UTRN: variants seen among roughly 807,000 people sequenced by gnomAD.
UTRN encodes utrophin, also known as dystrophin-related protein 1.
In UTRN, 283 loss-of-function variants were observed where a neutral mutation model predicts 463.9. The ratio of observed to expected loss-of-function variants is 0.61; its 90% confidence interval spans 0.55 to 0.67. UTRN has a LOEUF of 0.67. Ranked by LOEUF, UTRN falls within the 30% of genes least tolerant of loss-of-function variation. The pLI, the probability that UTRN is intolerant of heterozygous loss-of-function variation, is 0.00. For synonymous variants in UTRN, 1,442 were observed against 1,431.5 expected, an observed-to-expected ratio of 1.01 and a Z score of -0.17; for missense variants, 3,922 against 4,084.3, an observed-to-expected ratio of 0.96 and a Z score of 1.08.
chr6:144,598,181 C>T (rs1803852324), intron 51 of UTRN, among the ~76,000 whole-genome samples: 1 of 152,234 alleles, frequency 6.6e-6, no homozygotes, highest in East Asian at 1.9e-4. Flanking sequence ...AACATGTGCC[C>T]AGGGTGATCA....
rs1786862720 is a variant in UTRN at position 144,439,005 on chromosome 6, C to T, written c.1392+110C>T. 18 of 1,201,650 alleles carry T rather than the reference C, an allele frequency of 1.5e-5. No individual in the cohort carries two copies. The South Asian group carries it at 2.6e-4, about 18-fold the overall frequency. The allele number at this position is 1,201,650 out of a possible 1,614,324, so 74.4% of individuals were successfully genotyped here. On this transcript the variant is annotated intron_variant, in intron 12 of 74. Transcript: ENST00000367545. ...TTAACATGAAGTTGGGACACTTCTT[C>T]AGGGTTGTCTTCATTTAGCAGCTCA...
intron 7 of UTRN, 43 bp downstream of exon 7, chr6:144,426,502 G>T (rs775491987): frequency 1.5e-5 from 24 of 1,561,696 alleles, no homozygotes; most frequent in Admixed American, 5.4e-5. Context: ...ACAAATTCAT[G>T]TCTCCTCTCT....
intron 60 of UTRN, among the ~76,000 whole-genome samples, chr6:144,781,224 A>G (rs1216127822): frequency 2.0e-5 from 3 of 152,154 alleles, no homozygotes; most frequent in Non-Finnish European, 2.9e-5. Flanking sequence ...CTTCTTAGCT[A>G]CAGGTCACCT....
intron 54 of UTRN, among the ~76,000 whole-genome samples, chr6:144,737,285 G>C (rs1432785413): frequency 6.6e-6 from 1 of 152,176 alleles, no homozygotes; most frequent in African/African-American, 2.4e-5. Flanking sequence ...TTGATGTCCG[G>C]TGAGTGATGG....
At chr6:144,791,683 G>A (rs1010387999) in intron 62 of UTRN, among the ~76,000 whole-genome samples, 1 of 151,482 alleles carries the variant, frequency 6.6e-6, no homozygotes, top group Admixed American at 6.6e-5. Context: ...CTTATTACCT[G>A]CCCCTTTACC....
chr6:144,637,334 G>A (rs1014219150), intron 51 of UTRN, among the ~76,000 whole-genome samples: 4 of 151,844 alleles, frequency 2.6e-5, no homozygotes, highest in South Asian at 4.2e-4. Context: ...TGGCCCTTAC[G>A]TTACTCTGCC....
chr6:144,340,446 C>G (rs1777058102), intron 2 of UTRN, among the ~76,000 whole-genome samples: 1 of 152,150 alleles, frequency 6.6e-6, no homozygotes, highest in Non-Finnish European at 1.5e-5. Flanking sequence ...GGGGCTGATG[C>G]TGCTGGGTGT....
chr6:144,765,130 G>A (rs989410468), intron 58 of UTRN, among the ~76,000 whole-genome samples: 1 of 152,164 alleles, frequency 6.6e-6, no homozygotes, highest in South Asian at 2.1e-4. Context: ...GGTTTACTGA[G>A]TATTTGCATG....
intron 53 of UTRN, among the ~76,000 whole-genome samples, chr6:144,721,493 G>A (rs1222663750): frequency 1.3e-5 from 2 of 152,196 alleles, no homozygotes; most frequent in East Asian, 1.9e-4. Context: ...ACAGTTATGA[G>A]CCACCACAGC....
chr6:144,560,119 C>G (rs565344600), intron 50 of UTRN, among the ~76,000 whole-genome samples: 2 of 152,216 alleles, frequency 1.3e-5, no homozygotes, highest in African/African-American at 4.8e-5. Flanking sequence ...AGAGAGGTAG[C>G]ATTTTCATCA....
rs1240255400 is a variant in UTRN, at chr6:144,840,826, T to C, written c.10264T>C (p.Cys3422Arg). ...MEQIHSTFPS[C>R]CPNVPSRPQA... ...GCAGATTCACAGCACGTTTCCATCTTGCTGCCGTGAGTATGAAAGATTGCA... is the reference window on the plus strand; with the variant it reads ...GCAGATTCACAGCACGTTTCCATCTCGCTGCCGTGAGTATGAAAGATTGCA... The change falls in exon 73 of 75, where the codon TGC becomes CGC. Residue 3422 changes from cysteine (C) to arginine (R), a missense_variant. Physicochemically the swap from Cys to Arg is radical, Grantham distance 180. This residue lies in a region of UTRN where 1,309 missense variants were observed against 1,452.6 expected (regional missense o/e 0.90). Transcript: ENST00000367545. 7.4e-6 allele frequency: 12 copies of C among 1,613,888 alleles called. No homozygotes were observed. The highest frequency in any genetic ancestry group is 1.0e-5 in the Non-Finnish European group (12 of 1,179,984).
chr6:144,344,404 C>G, intron 2 of UTRN: 1 of 1,253,954 alleles, frequency 8.0e-7, no homozygotes, highest in Non-Finnish European at 1.0e-6. Context: ...AGTAACAAAG[C>G]TTAGGACCAG....
intron 2 of UTRN, among the ~76,000 whole-genome samples, chr6:144,317,633 G>A (rs1047850728): frequency 6.6e-6 from 1 of 152,128 alleles, no homozygotes; most frequent in Non-Finnish European, 1.5e-5. Context: ...CTGACCTCAA[G>A]TGATCCACCC....
chr6:144,474,066 A>G (rs982732699), intron 24 of UTRN, among the ~76,000 whole-genome samples: 2 of 151,918 alleles, frequency 1.3e-5, no homozygotes, highest in African/African-American at 4.8e-5. Flanking sequence ...ATAGAGAACA[A>G]GAACAATTTT....
intron 58 of UTRN, among the ~76,000 whole-genome samples, chr6:144,760,328 A>G (rs1204606549): frequency 2.0e-5 from 3 of 152,158 alleles, no homozygotes; most frequent in Admixed American, 6.6e-5. Flanking sequence ...AAATAGATAT[A>G]ATATAATGAT....
At chr6:144,709,490 C>T (rs1785443177) in intron 53 of UTRN, among the ~76,000 whole-genome samples, 1 of 152,136 alleles carries the variant, frequency 6.6e-6, no homozygotes, top group African/African-American at 2.4e-5. Flanking sequence ...CAATCAAGAT[C>T]AACCCTCAGA....
At chr6:144,359,546 T>C (rs1336148104) in intron 2 of UTRN, among the ~76,000 whole-genome samples, 4 of 152,184 alleles carry the variant, frequency 2.6e-5, no homozygotes, top group Non-Finnish European at 4.4e-5. Context: ...ACGTCATCAG[T>C]TTATACAAAT....
At chr6:144,732,255 T>TAC (rs1562832750) in intron 54 of UTRN, among the ~76,000 whole-genome samples, 1 of 100,032 alleles carries the variant, frequency 1.0e-5, no homozygotes, top group East Asian at 4.9e-4. Context: ...TATATATATA[T>TAC]ATACACACAT....
rs910377474 is a variant in UTRN, at chr6:144,355,246, C to T, written c.80-47877C>T. The stretch of plus-strand genomic sequence containing the variant: ...CTTTTTTTTGAGACAGAGTCTCTGT[C>T]ACCTTGGCTGGAGTGTAGTGGTCCA... On this transcript the variant is annotated intron_variant, in intron 2 of 74. Coordinates refer to ENST00000367545, the MANE Select transcript of UTRN (RefSeq NM_007124.3). Among the ~76,000 whole-genome samples the T allele has an allele frequency of 5.3e-5, 8 of 152,172 alleles. No individual in the cohort carries two copies. In the East Asian group the frequency reaches 9.6e-4, roughly 18 times the overall value.
Sources: allele counts gnomAD v4.1 joint callset (sites outside exome capture counted in the v4.1 genomes callset), GRCh38; gene constraint gnomAD v4.1.1; regional missense constraint gnomAD v4.1.1; transcripts MANE v1.5; gene names NCBI Gene and HGNC (gene_info 2026-07-23, HGNC 2026-07-21).